The following CGNL1 variants were observed in gnomAD, a reference collection of about 807,000 sequenced individuals.
CGNL1 encodes cingulin like 1.
In CGNL1, 132 loss-of-function variants were observed where a neutral mutation model predicts 141.2. The ratio of observed to expected loss-of-function variants is 0.93; its 90% CI spans 0.81 to 1.08. The LOEUF (loss-of-function observed/expected upper bound fraction) is 1.08. Ranked by LOEUF, CGNL1 falls within the 50% of genes least tolerant of loss-of-function variation. CGNL1 has a pLI of 0.00. For synonymous variants in CGNL1, 690 were observed against 622.1 expected (o/e 1.11, Z -1.63); for missense variants, 1,870 against 1,588.6 (o/e 1.18, Z -3.01).
In CGNL1 at chr15:57,549,144, T is replaced by C. The variant is rs1308555354; in HGVS notation, c.*1654T>C. The C allele has an allele frequency of 6.6e-6, 1 of 152,166 alleles. No individual in the cohort carries two copies. The highest frequency in any genetic ancestry group is 1.5e-5 in the Non-Finnish European group (1 of 68,066). The allele number at this position is 152,166 out of a possible 1,614,324, so 9.4% of individuals were successfully genotyped here. On this transcript the variant is annotated 3_prime_UTR_variant, in exon 19 of 19. Coordinates refer to ENST00000281282, the MANE Select transcript of CGNL1 (RefSeq NM_032866.5). ...CATAGCATCGGGAGGATGCTACATA[T>C]CCAGGGACTCCCTCCTGGCCTTCCT...
At chr15:57,382,195 G>A (rs1161164008) in intron 1 of CGNL1, among the ~76,000 whole-genome samples, 1 of 152,156 alleles carries the variant, frequency 6.6e-6, no homozygotes, top group Non-Finnish European at 1.5e-5. Flanking sequence ...AGGTAGTAAG[G>A]GCTTAGAGGC....
At chr15:57,412,559 G>C (rs1352149983) in intron 1 of CGNL1, among the ~76,000 whole-genome samples, 3 of 152,152 alleles carry the variant, frequency 2.0e-5, no homozygotes, top group African/African-American at 7.2e-5. Flanking sequence ...CTTGTGAATG[G>C]ATAGCCAGGC....
intron 8 of CGNL1, among the ~76,000 whole-genome samples, chr15:57,499,796 T>A (rs7162164): frequency 0.011 from 1,722 of 152,298 alleles, 36 homozygotes; most frequent in African/African-American, 0.039. Flanking sequence ...TAATTGGGAA[T>A]GGGCCTGACC....
At chr15:57,532,763 C>T (rs2032024254) in intron 14 of CGNL1, among the ~76,000 whole-genome samples, 1 of 152,230 alleles carries the variant, frequency 6.6e-6, no homozygotes, top group Non-Finnish European at 1.5e-5. Context: ...TGCTGGCTAC[C>T]ACATTCCACA....
At chr15:57,414,217 C>G (rs1242676708) in intron 1 of CGNL1, among the ~76,000 whole-genome samples, 2 of 152,074 alleles carry the variant, frequency 1.3e-5, no homozygotes, top group Non-Finnish European at 2.9e-5. Context: ...GGCTGGTGGC[C>G]CCTTCATCCT....
At chr15:57,410,470 C>G (rs2062773939) in intron 1 of CGNL1, among the ~76,000 whole-genome samples, 1 of 152,136 alleles carries the variant, frequency 6.6e-6, no homozygotes. Flanking sequence ...CATCTCTCCT[C>G]TCTTCTATTC....
At position 57,531,798 on chromosome 15, in the gene CGNL1, A is replaced by G. The variant is rs2031967318; in HGVS notation, c.3291+19A>G. On this transcript the variant is annotated intron_variant, in intron 14 of 18. Coordinates refer to ENST00000281282, the MANE Select transcript of CGNL1 (RefSeq NM_032866.5). ...GGAACAGGTACTATTCTATAGGTGAATGATGCGTGGATTGTCCTGTGTGAA... is the reference window on the plus strand; with the variant it reads ...GGAACAGGTACTATTCTATAGGTGAGTGATGCGTGGATTGTCCTGTGTGAA... The G allele has an allele frequency of 7.0e-7, 1 of 1,426,346 alleles. No homozygotes were observed. The highest frequency in any genetic ancestry group is 9.9e-7 in the Non-Finnish European group (1 of 1,008,756). The allele number at this position is 1,426,346 out of a possible 1,614,324, so 88.4% of individuals were successfully genotyped here.
rs539240555 is a variant in CGNL1, at chr15:57,475,114, T to C, written c.2403+13222T>C. 2.1e-3 allele frequency among the ~76,000 whole-genome samples: 322 copies of C among 152,286 alleles called. 3 individuals carry two copies. Among genetic ancestry groups the C allele is most frequent in the African/African-American group, 7.2e-3 (300 of 41,556 alleles). ...TCAGGCCTCAGCAGCCATCTCCCTA[T>C]TTCCCCAACTGTGTTGCCCCCTTCT... is the stretch of plus-strand genomic sequence containing the variant. On this transcript the variant is annotated intron_variant, in intron 8 of 18. Transcript: ENST00000281282.
chr15:57,459,802 T>C (rs769271901), intron 7 of CGNL1, among the ~76,000 whole-genome samples: 7 of 152,072 alleles, frequency 4.6e-5, no homozygotes, highest in Admixed American at 6.5e-5. Flanking sequence ...AGGTGGTGCT[T>C]TTCACAAGAG....
In CGNL1 at chr15:57,442,403, G is replaced by GA; in HGVS notation, c.1731dup (p.Val578SerfsTer6). On this transcript the variant is annotated frameshift_variant, in exon 4 of 19. Transcript: ENST00000281282. LOFTEE classifies it high-confidence loss of function. ...CTGATAATGACGATGCTACTAAAAG[G>GA]AAAGTCAACTTGGTCTTTGAGAAAA... 1 of 1,613,488 alleles carries GA rather than the reference G, an allele frequency of 6.2e-7. No individual in the cohort carries two copies.
intron 1 of CGNL1, among the ~76,000 whole-genome samples, chr15:57,429,434 C>G (rs901913717): frequency 1.4e-4 from 21 of 152,176 alleles, no homozygotes; most frequent in African/African-American, 4.8e-4. Flanking sequence ...CAGATTTGCG[C>G]TTAGAGAGAA....
intron 14 of CGNL1, among the ~76,000 whole-genome samples, chr15:57,541,262 T>A (rs1302801444): frequency 6.6e-6 from 1 of 152,186 alleles, no homozygotes; most frequent in Admixed American, 6.5e-5. Flanking sequence ...TTTAACCATG[T>A]CCTCAGTGAA....
chr15:57,492,338 A>G (rs1268135450), intron 8 of CGNL1, among the ~76,000 whole-genome samples: 1 of 152,160 alleles, frequency 6.6e-6, no homozygotes, highest in Non-Finnish European at 1.5e-5. Flanking sequence ...CATCACACAC[A>G]TTTCAGGATT....
At chr15:57,530,243 A>G (rs1161794602) in intron 13 of CGNL1, among the ~76,000 whole-genome samples, 2 of 152,218 alleles carry the variant, frequency 1.3e-5, no homozygotes, top group African/African-American at 4.8e-5. Flanking sequence ...CCACTGCTAT[A>G]TCCTGACTAA....
Position 57,438,082 on chromosome 15 carries a change from A to G in CGNL1, c.83A>G (p.Lys28Arg), listed in dbSNP as rs1475112433. 3 of 1,613,998 alleles carry G rather than the reference A, an allele frequency of 1.9e-6. No homozygotes were observed. Reference protein sequence around the residue: ...HLRLASDDTQKSRSSQNSKAG... With the variant: ...HLRLASDDTQRSRSSQNSKAG... ...AGACTCGCAAGTGATGATACCCAAA[A>G]ATCAAGGAGTTCCCAGAACTCCAAG... Residue 28 changes from lysine (K) to arginine (R), a missense_variant, in exon 2 of 19, where the codon AAA (lysine) becomes AGA (arginine). By Grantham distance (26) the Lys-to-Arg change is conservative. Transcript: ENST00000281282.
intron 1 of CGNL1, among the ~76,000 whole-genome samples, chr15:57,423,138 A>G (rs2062934679): frequency 6.6e-6 from 1 of 152,154 alleles, no homozygotes; most frequent in African/African-American, 2.4e-5. Context: ...ATGCTTCTGC[A>G]ACTGGTTTTT....
At chr15:57,435,677 T>C (rs751519173) in intron 1 of CGNL1, among the ~76,000 whole-genome samples, 51 of 152,136 alleles carry the variant, frequency 3.4e-4, no homozygotes, top group Non-Finnish European at 3.5e-4. Flanking sequence ...AAAAGAATTA[T>C]CACCAAGCAA....
Position 57,439,252 on chromosome 15 carries a change from T to G in CGNL1, c.1253T>G (p.Leu418Arg), listed in dbSNP as rs752894924. ...AACTTGGGCAAGTCAAGCGAACACC[T>G]CCTCCGGCCTTCCCAGGTGTGCCCG... ...SRNLGKSSEH[L>R]LRPSQVCPQR... is the part of the protein sequence containing the mutation. Residue 418 changes from leucine to arginine, a missense_variant, in exon 2 of 19, where the codon CTC becomes CGC. Leu to Arg is a moderately radical substitution (Grantham distance 102, BLOSUM62 -2). Coordinates refer to ENST00000281282, the MANE Select transcript of CGNL1 (RefSeq NM_032866.5). 1.2e-6 allele frequency: 2 copies of G among 1,614,046 alleles called. No individual in the cohort carries two copies. The highest frequency in any genetic ancestry group is 2.2e-5 in the South Asian group (2 of 91,070).
intron 1 of CGNL1, among the ~76,000 whole-genome samples, chr15:57,404,205 A>T (rs1233838630): frequency 6.6e-6 from 1 of 152,110 alleles, no homozygotes; most frequent in East Asian, 1.9e-4. Context: ...TATTTCTCTC[A>T]CTTGCTTCTC....
Sources: gnomAD v4.1 joint callset for allele counts (sites outside exome capture counted in the v4.1 genomes callset) on GRCh38, gnomAD v4.1.1 for gene constraint, MANE v1.5 for transcripts, NCBI Gene and HGNC (gene_info 2026-07-23, HGNC 2026-07-21) for gene names.